The following FCER1A variants were observed in gnomAD, a reference collection of about 807,000 sequenced individuals.
FCER1A encodes Fc epsilon receptor Ia.
FCER1A carries 24 observed loss-of-function variants against 23.6 expected under a neutral mutation model. The ratio of observed to expected loss-of-function variants is 1.02; its 90% CI spans 0.74 to 1.43. The LOEUF is 1.43. Ranked by LOEUF, FCER1A falls within the 40% of genes most tolerant of loss-of-function variation. The pLI is 0.00. For synonymous variants in FCER1A, 121 were observed against 108.8 expected (o/e 1.11, Z -0.70); for missense variants, 318 against 294.5 (o/e 1.08, Z -0.58).
chr1:159,297,009 G>C (rs1652309188), intron 1 of FCER1A, among the ~76,000 whole-genome samples: 1 of 152,084 alleles, frequency 6.6e-6, no homozygotes, highest in East Asian at 1.9e-4. Context: ...AAATGTCCTG[G>C]TCTGGGCTAA....
chr1:159,303,171 A>G (rs899359183), intron 2 of FCER1A, among the ~76,000 whole-genome samples: 1 of 152,120 alleles, frequency 6.6e-6, no homozygotes, highest in Non-Finnish European at 1.5e-5. Context: ...CATTATTATT[A>G]TTATTGCCAT....
intron 1 of FCER1A, among the ~76,000 whole-genome samples, chr1:159,290,508 T>A (rs944722158): frequency 1.3e-5 from 2 of 152,158 alleles, no homozygotes; most frequent in Non-Finnish European, 2.9e-5. Flanking sequence ...AGGGAATAAT[T>A]AAGTTATCCC....
At chr1:159,304,300 A>C in intron 3 of FCER1A, 118 bp downstream of exon 3, 26 of 968,138 alleles carry the variant, frequency 2.7e-5, no homozygotes, top group Non-Finnish European at 3.7e-5. Flanking sequence ...AAGGCCTCTC[A>C]TTTTTAAGAC....
intron 2 of FCER1A, 137 bp downstream of exon 2, chr1:159,303,011 C>T (rs977228370): frequency 3.6e-6 from 3 of 835,818 alleles, no homozygotes; most frequent in East Asian, 2.4e-5. Flanking sequence ...TTTCCCTCTC[C>T]ACCTTGCCTT....
chr1:159,301,021 T>C (rs112161648), upstream of FCER1A, among the ~76,000 whole-genome samples: 6 of 152,342 alleles, frequency 3.9e-5, no homozygotes, highest in African/African-American at 1.4e-4. Context: ...AATTCCTATT[T>C]ATTAACCTTT....
intron 1 of FCER1A, among the ~76,000 whole-genome samples, chr1:159,289,936 A>T (rs980748426): frequency 6.6e-6 from 1 of 152,086 alleles, no homozygotes; most frequent in Admixed American, 6.5e-5. Flanking sequence ...TCCTGTGTGA[A>T]CACTACCTCA....
upstream of FCER1A, among the ~76,000 whole-genome samples, chr1:159,297,735 T>C (rs1277034589): frequency 1.3e-5 from 2 of 152,140 alleles, no homozygotes; most frequent in Non-Finnish European, 2.9e-5. Context: ...AAAAATTTAG[T>C]GTGATATTCT....
upstream of FCER1A, among the ~76,000 whole-genome samples, chr1:159,287,103 C>T (rs903979460): frequency 6.6e-6 from 1 of 152,128 alleles, no homozygotes; most frequent in Admixed American, 6.5e-5. Context: ...TTCTGAATAA[C>T]GCATGTCAGA....
At chr1:159,292,218 G>A (rs188204932) in intron 1 of FCER1A, among the ~76,000 whole-genome samples, 4 of 152,126 alleles carry the variant, frequency 2.6e-5, no homozygotes, top group Admixed American at 1.3e-4. Context: ...CTCTAATATA[G>A]ACATTTCTAC....
chr1:159,296,442 G>A (rs1652295183), intron 1 of FCER1A, among the ~76,000 whole-genome samples: 1 of 152,206 alleles, frequency 6.6e-6, no homozygotes, highest in African/African-American at 2.4e-5. Flanking sequence ...ATCATGAACA[G>A]TGTAGCTACA....
At chr1:159,302,921 A>G in intron 2 of FCER1A, 47 bp downstream of exon 2, 1 of 1,563,534 alleles carries the variant, frequency 6.4e-7, no homozygotes, top group Non-Finnish European at 8.8e-7. Context: ...ATGTCTGGGC[A>G]TTGCTTTCCT....
intron 1 of FCER1A, among the ~76,000 whole-genome samples, chr1:159,292,477 C>G (rs1030485424): frequency 7.2e-5 from 11 of 152,188 alleles, no homozygotes; most frequent in African/African-American, 2.6e-4. Flanking sequence ...CAGTAAGTCC[C>G]ATTAATATAT....
intron 3 of FCER1A, among the ~76,000 whole-genome samples, chr1:159,305,025 C>T (rs1652556224): frequency 6.6e-6 from 1 of 152,168 alleles, no homozygotes; most frequent in Admixed American, 6.5e-5. Context: ...CATGCTTAGG[C>T]ACATGTGGCT....
chr1:159,301,962 A>G (rs1652442109), upstream of FCER1A, among the ~76,000 whole-genome samples: 1 of 152,244 alleles, frequency 6.6e-6, no homozygotes, highest in South Asian at 2.1e-4. Context: ...AGATTTATTT[A>G]GGATAACACC....
At chr1:159,286,148 C>T (rs961949935), upstream of FCER1A, among the ~76,000 whole-genome samples, 6 of 151,708 alleles carry the variant, frequency 4.0e-5, no homozygotes, top group Non-Finnish European at 8.8e-5. Context: ...CGAGATCATG[C>T]CACTGCACTC....
chr1:159,284,567 G>T, the FCER1A span, among the ~76,000 whole-genome samples: 7 of 152,138 alleles, frequency 4.6e-5, no homozygotes, highest in Non-Finnish European at 1.0e-4. Context: ...CAAACATAAT[G>T]CTTGTTCATT....
Position 159,308,118 on chromosome 1 carries a change from G to A in FCER1A, c.*186G>A, listed in dbSNP as rs967348811. On this transcript the variant is annotated 3_prime_UTR_variant, in exon 5 of 5. Transcript: ENST00000693622. Reference sequence around the variant, plus strand: ...AATAGTAAGTGCTCAATTAACATTGGTTGAATAAATGAGAGAATGAATAGA... The same window carrying A: ...AATAGTAAGTGCTCAATTAACATTGATTGAATAAATGAGAGAATGAATAGA... 5 of 448,848 alleles carry A rather than the reference G, an allele frequency of 1.1e-5. No individual in the cohort carries two copies. Among genetic ancestry groups the A allele is most frequent in the Non-Finnish European group, 2.0e-5 (5 of 253,010 alleles). 27.8% of individuals were successfully genotyped at this position (448,848 alleles called of 1,614,324 possible). A position where few individuals can be genotyped will look rare whatever the true frequency, so the allele number is the denominator to read the frequency against.
chr1:159,302,325 A>T (rs747256756), upstream of FCER1A: 2 of 1,449,242 alleles, frequency 1.4e-6, no homozygotes, highest in Non-Finnish European at 1.9e-6. Flanking sequence ...GAAGCCTTAG[A>T]TCTCTCCAGC....
At chr1:159,284,856 G>A (rs367643027), upstream of FCER1A, among the ~76,000 whole-genome samples, 29 of 152,000 alleles carry the variant, frequency 1.9e-4, no homozygotes, top group African/African-American at 5.8e-4. Context: ...TGAAACTTTC[G>A]CATATCAATA....
Sources: allele counts gnomAD v4.1 joint callset (sites outside exome capture counted in the v4.1 genomes callset), GRCh38; gene constraint gnomAD v4.1.1; transcripts MANE v1.5; gene names NCBI Gene and HGNC (gene_info 2026-07-23, HGNC 2026-07-21).